Variants in ARHGAP21 observed in about 807,000 individuals in gnomAD.
The protein encoded by ARHGAP21 is Rho GTPase activating protein 21.
In ARHGAP21, 38 loss-of-function variants were observed where a neutral mutation model predicts 164.6. That is an observed-to-expected ratio of 0.23 (90% CI 0.18 to 0.30). ARHGAP21 has a LOEUF of 0.30. ARHGAP21 is among the 10% of genes least tolerant of loss of function. The pLI is 1.00. For synonymous variants in ARHGAP21, 766 were observed against 857.9 expected (o/e 0.89, Z 1.87); for missense variants, 1,822 against 2,370.7 (o/e 0.77, Z 4.81).
intron 9 of ARHGAP21, among the ~76,000 whole-genome samples, chr10:24,617,816 A>G (rs1282024098): frequency 8.8e-6 from 1 of 113,880 alleles, no homozygotes; most frequent in Non-Finnish European, 2.3e-5. Flanking sequence ...CTAGTACTCA[A>G]AGAGAAGCAT....
At chr10:24,595,678 A>C (rs574468601) in intron 19 of ARHGAP21, 39 bp downstream of exon 19, 1 of 1,567,986 alleles carries the variant, frequency 6.4e-7, no homozygotes, top group Admixed American at 1.7e-5. Context: ...TTGTAACTTG[A>C]ACCATTTCAT....
intron 4 of ARHGAP21, among the ~76,000 whole-genome samples, chr10:24,664,090 T>C (rs1174847451): frequency 6.6e-6 from 1 of 152,248 alleles, no homozygotes; most frequent in Non-Finnish European, 1.5e-5. Context: ...GAAGTGGTGT[T>C]GAAAATATCA....
chr10:24,689,170 G>T (rs943919026), intron 2 of ARHGAP21, among the ~76,000 whole-genome samples: 7 of 152,072 alleles, frequency 4.6e-5, no homozygotes, highest in Non-Finnish European at 2.9e-5. Context: ...ACACAGCTTG[G>T]ACTAGAACCT....
chr10:24,698,838 T>C (rs960270150), intron 2 of ARHGAP21, among the ~76,000 whole-genome samples: 2 of 152,194 alleles, frequency 1.3e-5, no homozygotes, highest in Non-Finnish European at 2.9e-5. Context: ...TGATGCCACT[T>C]TTTAGAATTT....
chr10:24,611,501 C>T (rs766420451), intron 9 of ARHGAP21, among the ~76,000 whole-genome samples: 1 of 152,032 alleles, frequency 6.6e-6, no homozygotes, highest in Non-Finnish European at 1.5e-5. Flanking sequence ...GTCAGGAGTT[C>T]GAGACCAGCC....
rs1467106403 is a variant in ARHGAP21 at position 24,600,758 on chromosome 10, T to C, written c.3020A>G (p.Asn1007Ser). The change falls in exon 14 of 26, where the codon AAT (asparagine) becomes AGT (serine). Residue 1007 changes from asparagine to serine, a missense_variant. Asn to Ser is a conservative substitution (Grantham distance 46). This residue lies in a region of ARHGAP21 where 1,090 missense variants were observed against 1,378.9 expected (regional missense o/e 0.79). Coordinates refer to ENST00000396432, the MANE Select transcript of ARHGAP21 (RefSeq NM_020824.4). ...GTCGGACGTGGTGAGTCGAAACACA[T>C]TTTTCCTCTTGGTCTCACTGTAAGA... ...DISYSETKRK[N>S]VFRLTTSDCE... is the part of the protein sequence containing the mutation. 2 of 1,613,964 alleles carry C rather than the reference T, an allele frequency of 1.2e-6. No individual in the cohort carries two copies. The highest frequency in any genetic ancestry group is 1.7e-6 in the Non-Finnish European group (2 of 1,179,878).
intron 2 of ARHGAP21, among the ~76,000 whole-genome samples, chr10:24,686,702 C>T (rs1842243596): frequency 6.6e-6 from 1 of 152,170 alleles, no homozygotes; most frequent in Admixed American, 6.6e-5. Context: ...CATGGATTTT[C>T]CATAATGAAC....
intron 9 of ARHGAP21, among the ~76,000 whole-genome samples, chr10:24,610,858 G>A (rs756951414): frequency 2.0e-5 from 3 of 151,998 alleles, no homozygotes; most frequent in Non-Finnish European, 2.9e-5. Flanking sequence ...TGGAAAGAGC[G>A]AAACACATGA....
intron 7 of ARHGAP21, among the ~76,000 whole-genome samples, chr10:24,624,312 C>A (rs1160906854): frequency 6.9e-6 from 1 of 144,300 alleles, no homozygotes; most frequent in East Asian, 2.0e-4. Flanking sequence ...ATTAGAATAT[C>A]TGCCTGGGAA....
At position 24,607,495 on chromosome 10, in the gene ARHGAP21, T is replaced by C; in HGVS notation, c.2684+4A>G. The C allele has an allele frequency of 1.2e-6, 2 of 1,611,044 alleles. No individual in the cohort carries two copies. Among genetic ancestry groups the C allele is most frequent in the Non-Finnish European group, 8.5e-7 (1 of 1,178,538 alleles). On this transcript the variant is annotated splice_donor_region_variant and intron_variant, in intron 11 of 25. Coordinates refer to ENST00000396432, the MANE Select transcript of ARHGAP21 (RefSeq NM_020824.4). ...ATATTTAAAATAATACACCCGAGACTTACAATTTTGCATCTTCTCTGTAAT... is the reference window on the plus strand; with the variant it reads ...ATATTTAAAATAATACACCCGAGACCTACAATTTTGCATCTTCTCTGTAAT...
chr10:24,585,479 G>C lies in ARHGAP21; in HGVS notation c.4810C>G (p.Leu1604Val). 1 of 1,614,142 alleles carries C rather than the reference G, an allele frequency of 6.2e-7. No individual in the cohort carries two copies. The highest frequency in any genetic ancestry group is 8.5e-7 in the Non-Finnish European group (1 of 1,180,044). Residue 1604 changes from leucine (L) to valine (V), a missense_variant, in exon 26 of 26, where the codon CTG becomes GTG. Coordinates refer to ENST00000396432, the MANE Select transcript of ARHGAP21 (RefSeq NM_020824.4). ...GCCACGGATTGCACCTCAGGGCTCAGTCGACTGGAGTCCAGGCTAGTCAAG... is the reference window on the plus strand; with the variant it reads ...GCCACGGATTGCACCTCAGGGCTCACTCGACTGGAGTCCAGGCTAGTCAAG... ...TYLTSLDSSR[L>V]SPEVQSVAES...
chr10:24,589,417 A>G (rs1202605212), intron 24 of ARHGAP21, 115 bp from the exon 25 acceptor site: 3 of 908,430 alleles, frequency 3.3e-6, no homozygotes, highest in Non-Finnish European at 5.1e-6. Flanking sequence ...GCAAAACTCA[A>G]AACAATAGAA....
At chr10:24,610,433 A>AAAGACTTAGGTGTTTTTATT (rs2077209194) in intron 9 of ARHGAP21, among the ~76,000 whole-genome samples, 3 of 152,148 alleles carry the variant, frequency 2.0e-5, no homozygotes, top group South Asian at 4.2e-4. Flanking sequence ...AGCTCTTTAT[A>AAAGACTTAGGTGTTTTTATT]ATAAAAAGAA....
At chr10:24,708,442 T>C (rs1051802753) in intron 2 of ARHGAP21, among the ~76,000 whole-genome samples, 1 of 152,238 alleles carries the variant, frequency 6.6e-6, no homozygotes, top group Non-Finnish European at 1.5e-5. Context: ...TTATTATTTG[T>C]ACAAATTTAT....
At chr10:24,635,137 T>A in intron 4 of ARHGAP21, 34 bp from the exon 5 acceptor site, 1 of 1,384,574 alleles carries the variant, frequency 7.2e-7, no homozygotes, top group Non-Finnish European at 1.0e-6. Context: ...TGATTTTACT[T>A]CACAATACTT....
chr10:24,585,000 C>T lies in ARHGAP21; in HGVS notation c.5289G>A (p.Thr1763=), dbSNP rs781358377. 54 of 1,613,832 alleles carry T rather than the reference C, an allele frequency of 3.3e-5. No individual in the cohort carries two copies. In the Middle Eastern group the frequency reaches 1.2e-3, roughly 34 times the overall value. ...ESEKQEPTWK[T]KIADRLKLRP... is the part of the protein sequence containing the mutation. ...TCAGTTTTAACCGATCTGCTATTTTCGTTTTCCATGTGGGTTCCTGTTTTT... is the reference window on the plus strand; with the variant it reads ...TCAGTTTTAACCGATCTGCTATTTTTGTTTTCCATGTGGGTTCCTGTTTTT... Residue 1763 remains threonine, a synonymous_variant, in exon 26 of 26, where the codon ACG becomes ACA. Transcript: ENST00000396432.
Position 24,589,401 on chromosome 10 carries a change from G to A in ARHGAP21, c.4151-99C>T, listed in dbSNP as rs143719758. Reference sequence around the variant, plus strand: ...TGGAAAGACAGGCACAGAACAAAATGTGAAAGCAAAACTCAAAACAATAGA... The same window carrying A: ...TGGAAAGACAGGCACAGAACAAAATATGAAAGCAAAACTCAAAACAATAGA... On this transcript the variant is annotated intron_variant, in intron 24 of 25. Transcript: ENST00000396432. The A allele has an allele frequency of 3.7e-5, 42 of 1,130,098 alleles. No homozygotes were observed. The South Asian group carries it at 5.6e-4, about 15-fold the overall frequency. 70.0% of individuals were successfully genotyped at this position (1,130,098 alleles called of 1,614,324 possible).
At chr10:24,587,107 T>C (rs2076135744) in intron 25 of ARHGAP21, among the ~76,000 whole-genome samples, 1 of 152,154 alleles carries the variant, frequency 6.6e-6, no homozygotes, top group African/African-American at 2.4e-5. Flanking sequence ...AACACTGTAG[T>C]GCAGTGTTAT....
intron 2 of ARHGAP21, among the ~76,000 whole-genome samples, chr10:24,694,136 T>A (rs980192237): frequency 8.5e-5 from 13 of 152,230 alleles, no homozygotes; most frequent in African/African-American, 3.1e-4. Flanking sequence ...CTTTGATCTC[T>A]AGGCCCCAGA....
Sources: allele counts gnomAD v4.1 joint callset (sites outside exome capture counted in the v4.1 genomes callset), GRCh38; gene constraint gnomAD v4.1.1; regional missense constraint gnomAD v4.1.1; transcripts MANE v1.5; gene names NCBI Gene and HGNC (gene_info 2026-07-23, HGNC 2026-07-21).